Variants in CNGA3 observed in about 807,000 individuals in gnomAD.
CNGA3 encodes cyclic nucleotide gated channel subunit alpha 3.
CNGA3 carries 42 observed loss-of-function variants against 46.6 expected under a neutral mutation model. That is an observed-to-expected ratio of 0.90 (90% confidence interval 0.70 to 1.17). The LOEUF (loss-of-function observed/expected upper bound fraction) is 1.17. CNGA3 is among the 50% of genes most tolerant of loss of function. CNGA3 has a pLI of 0.00. For missense variants in CNGA3, 893 were observed against 890.7 expected (o/e 1.00, Z -0.03); for synonymous variants, 394 against 369.4 (o/e 1.07, Z -0.76).
intron 2 of CNGA3, among the ~76,000 whole-genome samples, chr2:98,372,733 T>C (rs942498466): frequency 4.6e-5 from 7 of 152,166 alleles, no homozygotes; most frequent in East Asian, 1.9e-4. Flanking sequence ...GTCCCTGCTA[T>C]GTGGTTAAGT....
At chr2:98,352,816 C>T (rs1464481303) in intron 1 of CNGA3, among the ~76,000 whole-genome samples, 1 of 152,164 alleles carries the variant, frequency 6.6e-6, no homozygotes, top group Non-Finnish European at 1.5e-5. Context: ...CAGAACTGCA[C>T]CACTGGCTTT....
intron 6 of CNGA3, among the ~76,000 whole-genome samples, chr2:98,391,070 C>T (rs1452213125): frequency 6.6e-6 from 1 of 152,126 alleles, no homozygotes; most frequent in Non-Finnish European, 1.5e-5. Context: ...CTCTGAGAGG[C>T]TAGTTGATGA....
At chr2:98,376,447 A>T (rs922831863) in intron 2 of CNGA3, among the ~76,000 whole-genome samples, 3 of 152,178 alleles carry the variant, frequency 2.0e-5, no homozygotes, top group African/African-American at 7.2e-5. Context: ...TGGTTCCAGC[A>T]GAAAACAGCC....
chr2:98,371,950 A>G (rs1433017850), intron 2 of CNGA3, among the ~76,000 whole-genome samples: 1 of 152,228 alleles, frequency 6.6e-6, no homozygotes, highest in Non-Finnish European at 1.5e-5. Context: ...GATCAGGAAG[A>G]TTTTGAAGCA....
At chr2:98,378,296 C>A in intron 3 of CNGA3, 1 of 1,374,128 alleles carries the variant, frequency 7.3e-7, no homozygotes, top group Non-Finnish European at 9.8e-7. Flanking sequence ...TGATGACATC[C>A]GTACTCCAGC....
At chr2:98,366,632 G>A (rs1396970420) in intron 1 of CNGA3, among the ~76,000 whole-genome samples, 2 of 152,208 alleles carry the variant, frequency 1.3e-5, no homozygotes, top group Non-Finnish European at 2.9e-5. Flanking sequence ...GGAGGGATGG[G>A]TCTGGGTTTA....
intron 5 of CNGA3, among the ~76,000 whole-genome samples, chr2:98,387,873 G>A (rs1442315742): frequency 1.3e-5 from 2 of 152,104 alleles, no homozygotes; most frequent in African/African-American, 2.4e-5. Context: ...GCCTGGCGTG[G>A]GATTTCCAAA....
intron 1 of CNGA3, among the ~76,000 whole-genome samples, chr2:98,353,169 T>G (rs1272829243): frequency 6.6e-6 from 1 of 152,218 alleles, no homozygotes; most frequent in East Asian, 1.9e-4. Flanking sequence ...ATATATTTAT[T>G]GAAAGAAAAA....
intron 1 of CNGA3, among the ~76,000 whole-genome samples, chr2:98,365,774 G>C (rs1574366472): frequency 6.6e-6 from 1 of 152,040 alleles, no homozygotes; most frequent in African/African-American, 2.4e-5. Context: ...CTCTAAACTG[G>C]TTACTCTGGT....
At position 98,397,878 on chromosome 2, in the gene CNGA3, C is replaced by G. The variant is rs1365833063; in HGVS notation, c.*623C>G. On this transcript the variant is annotated 3_prime_UTR_variant, in exon 8 of 8. Coordinates refer to ENST00000272602, the MANE Select transcript of CNGA3 (RefSeq NM_001298.3). ...TTGAGGTCATTTAAAATCTGTGAAG[C>G]AAATCCAGACTCCTTGCCGTTCAGC... 1 of 154,116 alleles carries G rather than the reference C, an allele frequency of 6.5e-6. No individual in the cohort carries two copies. 9.5% of individuals were successfully genotyped at this position (154,116 alleles called of 1,614,324 possible). A position where few individuals can be genotyped will look rare whatever the true frequency, so the allele number is the denominator to read the frequency against.
At position 98,395,974 on chromosome 2, in the gene CNGA3, A is replaced by G. The variant is rs938756979; in HGVS notation, c.804A>G (p.Thr268=). ...ACCTGGCTTACTTAAAGGTGGGCAC[A>G]AACTACCCAGAAGTGAGGTTCAACC... The part of the protein sequence containing the change: ...PTDLAYLKVG[T]NYPEVRFNRL... Residue 268 remains threonine, a synonymous_variant, in exon 8 of 8, where the codon ACA becomes ACG. Transcript: ENST00000272602. The G allele has an allele frequency of 6.2e-7, 1 of 1,614,238 alleles. No individual in the cohort carries two copies. The highest frequency in any genetic ancestry group is 1.3e-5 in the African/African-American group (1 of 75,070).
At chr2:98,385,972 G>A (rs370290144) in intron 5 of CNGA3, among the ~76,000 whole-genome samples, 6 of 152,102 alleles carry the variant, frequency 3.9e-5, no homozygotes, top group African/African-American at 1.4e-4. Flanking sequence ...ACCATGACAG[G>A]GACACAGATT....
At position 98,377,385 on chromosome 2, in the gene CNGA3, C is replaced by T. The variant is rs917127343; in HGVS notation, c.102-302C>T. On this transcript the variant is annotated intron_variant, in intron 2 of 7. Coordinates refer to ENST00000272602, the MANE Select transcript of CNGA3 (RefSeq NM_001298.3). ...TGCTTTGGCTTGAAATGGCAAGCCC[C>T]GGGACCTCTCCCCACCCAGTGCTTT... 1.8e-4 allele frequency: 63 copies of T among 347,750 alleles called. 1 individual carries two copies. Among genetic ancestry groups the T allele is most frequent in the African/African-American group, 3.7e-4 (18 of 48,208 alleles). 21.5% of individuals were successfully genotyped at this position (347,750 alleles called of 1,614,324 possible). A position where few individuals can be genotyped will look rare whatever the true frequency, so the allele number is the denominator to read the frequency against.
intron 1 of CNGA3, among the ~76,000 whole-genome samples, chr2:98,348,321 A>G (rs1178287811): frequency 6.6e-6 from 1 of 152,192 alleles, no homozygotes; most frequent in Non-Finnish European, 1.5e-5. Flanking sequence ...CTACGTGTGC[A>G]CTTGCCTTTG....
Position 98,370,695 on chromosome 2 carries a change from A to C in CNGA3, c.101+619A>C, listed in dbSNP as rs1216347510. On this transcript the variant is annotated intron_variant, in intron 2 of 7. Coordinates refer to ENST00000272602, the MANE Select transcript of CNGA3 (RefSeq NM_001298.3). ...CTTACTAGTAGACCTGGGAAAACGC[A>C]TTTAACCACTCCATGCCTCAATTTC... Among the ~76,000 whole-genome samples, 6 of 152,362 alleles carry C rather than the reference A, an allele frequency of 3.9e-5. No individual in the cohort carries two copies. In the East Asian group the frequency reaches 9.6e-4, roughly 24 times the overall value.
At chr2:98,379,727 C>CTAAA (rs1420484670) in intron 3 of CNGA3, among the ~76,000 whole-genome samples, 3 of 152,180 alleles carry the variant, frequency 2.0e-5, no homozygotes, top group Non-Finnish European at 1.5e-5. Context: ...TCAAGAACTT[C>CTAAA]TAAATAAATA....
At position 98,396,489 on chromosome 2, in the gene CNGA3, G is replaced by C. The variant is rs1459484455; in HGVS notation, c.1319G>C (p.Trp440Ser). Residue 440 changes from tryptophan to serine, a missense_variant, in exon 8 of 8, where the codon TGG becomes TCG. By Grantham distance (177) the Trp-to-Ser change is radical (BLOSUM62 -3). Around this residue, in one of 3 missense-constraint regions of CNGA3, gnomAD observed 548 missense variants for 570.8 expected, o/e 0.96. Coordinates refer to ENST00000272602, the MANE Select transcript of CNGA3 (RefSeq NM_001298.3). ...GACTTGGAGACGCGGGTTATCCGGTGGTTTGACTACCTGTGGGCCAACAAG... is the reference window on the plus strand; with the variant it reads ...GACTTGGAGACGCGGGTTATCCGGTCGTTTGACTACCTGTGGGCCAACAAG... ...TKDLETRVIR[W>S]FDYLWANKKT... 4.3e-6 allele frequency: 7 copies of C among 1,613,872 alleles called. No homozygotes were observed. Among genetic ancestry groups the C allele is most frequent in the Non-Finnish European group, 5.9e-6 (7 of 1,180,042 alleles).
chr2:98,354,038 G>A (rs1482242492), intron 1 of CNGA3, among the ~76,000 whole-genome samples: 2 of 152,136 alleles, frequency 1.3e-5, no homozygotes, highest in Non-Finnish European at 1.5e-5. Context: ...GATTACAACA[G>A]AACATGAGAT....
At chr2:98,379,564 C>T (rs533963842) in intron 3 of CNGA3, among the ~76,000 whole-genome samples, 141 of 152,226 alleles carry the variant, frequency 9.3e-4, no homozygotes, top group African/African-American at 3.0e-3. Context: ...GGCCGGGCTC[C>T]GGGAGAGGGC....
Sources: allele counts gnomAD v4.1 joint callset (sites outside exome capture counted in the v4.1 genomes callset), GRCh38; gene constraint gnomAD v4.1.1; regional missense constraint gnomAD v4.1.1; transcripts MANE v1.5; gene names NCBI Gene and HGNC (gene_info 2026-07-23, HGNC 2026-07-21).